Variants in SUCLG2 observed in about 807,000 individuals in gnomAD.
The protein encoded by SUCLG2 is succinate--CoA ligase [GDP-forming] subunit beta, mitochondrial.
A neutral mutation model predicts 47.9 loss-of-function variants in SUCLG2; 42 were observed. The observed-to-expected ratio is 0.88, with a 90% CI of 0.69 to 1.14. The LOEUF is 1.14. Among genes scored for constraint, SUCLG2 ranks in the 50% most tolerant of loss-of-function variants. The pLI, the probability that SUCLG2 is intolerant of heterozygous loss-of-function variation, is 0.00. For missense variants in SUCLG2, 571 were observed against 525.9 expected (o/e 1.09, Z -0.84); for synonymous variants, 195 against 197.3 (o/e 0.99, Z 0.10).
intron 9 of SUCLG2, among the ~76,000 whole-genome samples, chr3:67,420,017 A>C (rs980005511): frequency 5.9e-5 from 9 of 152,168 alleles, no homozygotes; most frequent in African/African-American, 2.2e-4. Flanking sequence ...ATGTACTAGG[A>C]AGCTGTAGGC....
intron 2 of SUCLG2, among the ~76,000 whole-genome samples, chr3:67,563,755 C>T (rs746571493): frequency 6.6e-6 from 1 of 151,824 alleles, no homozygotes; most frequent in Non-Finnish European, 1.5e-5. Context: ...GTCAGGAGAT[C>T]GAGACCATCC....
At chr3:67,473,968 C>T (rs775251405) in intron 9 of SUCLG2, among the ~76,000 whole-genome samples, 7 of 152,058 alleles carry the variant, frequency 4.6e-5, no homozygotes, top group Non-Finnish European at 7.4e-5. Context: ...TTAAAGAATA[C>T]ACTAACAGGT....
At chr3:67,386,618 G>A (rs1024228776) in intron 10 of SUCLG2, among the ~76,000 whole-genome samples, 1 of 152,160 alleles carries the variant, frequency 6.6e-6, no homozygotes, top group South Asian at 2.1e-4. Context: ...CATGTGTAGG[G>A]GAATTCCCCT....
chr3:67,610,542 T>A (rs142322146), intron 1 of SUCLG2, among the ~76,000 whole-genome samples: 1 of 150,788 alleles, frequency 6.6e-6, no homozygotes, highest in African/African-American at 2.4e-5. Context: ...ATGAATACAC[T>A]TAATGTAAAC....
At chr3:67,535,544 T>C (rs970300366) in intron 2 of SUCLG2, among the ~76,000 whole-genome samples, 1 of 152,040 alleles carries the variant, frequency 6.6e-6, no homozygotes, top group African/African-American at 2.4e-5. Context: ...CGGGAGACGA[T>C]CCCTTATGAA....
At chr3:67,444,034 C>G (rs1347511736) in intron 9 of SUCLG2, among the ~76,000 whole-genome samples, 1 of 122,274 alleles carries the variant, frequency 8.2e-6, no homozygotes, top group Non-Finnish European at 1.8e-5. Context: ...CCCCGCCTGG[C>G]CAGCCGCCCC....
intron 3 of SUCLG2, among the ~76,000 whole-genome samples, chr3:67,528,544 G>A (rs1204064464): frequency 6.6e-6 from 1 of 152,184 alleles, no homozygotes; most frequent in Non-Finnish European, 1.5e-5. Flanking sequence ...AGATCCGACA[G>A]TGGAAAACTG....
At chr3:67,520,364 C>T (rs1706063120) in intron 5 of SUCLG2, 118 bp downstream of exon 5, 1 of 1,452,682 alleles carries the variant, frequency 6.9e-7, no homozygotes, top group East Asian at 2.3e-5. Context: ...TCAGCATCTT[C>T]TTACCTTAAA....
intron 9 of SUCLG2, among the ~76,000 whole-genome samples, chr3:67,425,009 T>C (rs1703261916): frequency 6.6e-6 from 1 of 152,110 alleles, no homozygotes; most frequent in Non-Finnish European, 1.5e-5. Context: ...CTCAACATCT[T>C]CCACCCACAA....
At chr3:67,373,766 C>T (rs116867898), downstream of SUCLG2, among the ~76,000 whole-genome samples, 1 of 152,166 alleles carries the variant, frequency 6.6e-6, no homozygotes, top group East Asian at 1.9e-4. Flanking sequence ...CCCTCTGCTC[C>T]CTCTCTCTTT....
At chr3:67,469,198 G>A (rs1279453044) in intron 9 of SUCLG2, among the ~76,000 whole-genome samples, 2 of 152,214 alleles carry the variant, frequency 1.3e-5, no homozygotes, top group Non-Finnish European at 2.9e-5. Context: ...CTCATACAGA[G>A]TTATAAGCTG....
At chr3:67,455,073 C>G (rs1161627878) in intron 9 of SUCLG2, among the ~76,000 whole-genome samples, 1 of 152,002 alleles carries the variant, frequency 6.6e-6, no homozygotes, top group Non-Finnish European at 1.5e-5. Flanking sequence ...ACACACATAC[C>G]CAAAGCAGTA....
chr3:67,384,500 C>T (rs1702221181), intron 10 of SUCLG2, among the ~76,000 whole-genome samples: 1 of 152,326 alleles, frequency 6.6e-6, no homozygotes, highest in Admixed American at 6.5e-5. Context: ...AGGGAATATA[C>T]AGACACAAAG....
chr3:67,579,887 T>C (rs897880119), intron 2 of SUCLG2, among the ~76,000 whole-genome samples: 5 of 152,174 alleles, frequency 3.3e-5, no homozygotes, highest in African/African-American at 1.2e-4. Context: ...AAATGGTACC[T>C]ATTATTCTGA....
chr3:67,472,010 T>A (rs1225331646), intron 9 of SUCLG2, among the ~76,000 whole-genome samples: 1 of 152,180 alleles, frequency 6.6e-6, no homozygotes, highest in Non-Finnish European at 1.5e-5. Context: ...AAGACAATTA[T>A]TTTCATAAAA....
chr3:67,426,506 T>C (rs925529108), intron 9 of SUCLG2, among the ~76,000 whole-genome samples: 4 of 152,188 alleles, frequency 2.6e-5, no homozygotes, highest in Non-Finnish European at 5.9e-5. Flanking sequence ...AGTAAAAAAA[T>C]ATATATTACA....
At chr3:67,535,975 C>G (rs1706530701) in intron 2 of SUCLG2, among the ~76,000 whole-genome samples, 2 of 152,216 alleles carry the variant, frequency 1.3e-5, no homozygotes, top group Non-Finnish European at 2.9e-5. Flanking sequence ...GCAGAGCCCA[C>G]AAGTGTTGCG....
intron 2 of SUCLG2, among the ~76,000 whole-genome samples, chr3:67,596,219 C>T (rs1708288960): frequency 6.6e-6 from 1 of 152,178 alleles, no homozygotes; most frequent in African/African-American, 2.4e-5. Context: ...TTCTACACTT[C>T]CATCGGAAAA....
chr3:67,490,510 G>T (rs1456321972), intron 9 of SUCLG2, among the ~76,000 whole-genome samples: 1 of 152,144 alleles, frequency 6.6e-6, no homozygotes, highest in Non-Finnish European at 1.5e-5. Flanking sequence ...TTCCTTGGTT[G>T]TCTGAGTAGA....
Sources: allele counts gnomAD v4.1 joint callset (sites outside exome capture counted in the v4.1 genomes callset), GRCh38; gene constraint gnomAD v4.1.1; transcripts MANE v1.5; gene names NCBI Gene and HGNC (gene_info 2026-07-23, HGNC 2026-07-21).